Variants in PPT2 observed in about 807,000 individuals in gnomAD.
The protein encoded by PPT2 is palmitoyl-protein thioesterase 2, also known as lysosomal thioesterase PPT2.
PPT2 carries 20 observed loss-of-function variants against 37.3 expected under a neutral mutation model. The observed-to-expected ratio is 0.54, with a 90% CI of 0.38 to 0.78. The LOEUF is 0.78. PPT2 is among the 30% of genes least tolerant of loss of function. PPT2 has a pLI of 0.00. For synonymous variants in PPT2, 135 were observed against 159.1 expected (o/e 0.85, Z 1.14); for missense variants, 270 against 389.8 (o/e 0.69, Z 2.59).
At chr6:32,154,029 C>T (rs534588584), upstream of PPT2, 3 of 1,171,258 alleles carry the variant, frequency 2.6e-6, no homozygotes, top group African/African-American at 1.6e-5. The surrounding 1 kb of genome is among the most constrained non-coding windows in gnomAD (Gnocchi z 7.3). Flanking sequence ...ATTCCATTGC[C>T]CCTCCTGTCC....
At chr6:32,154,031 C>G (rs1783542437), upstream of PPT2, 2 of 1,174,070 alleles carry the variant, frequency 1.7e-6, no homozygotes, top group Admixed American at 4.3e-5. The surrounding 1 kb of genome is among the most constrained non-coding windows in gnomAD (Gnocchi z 7.3). Context: ...TCCATTGCCC[C>G]TCCTGTCCTG....
At position 32,156,188 on chromosome 6, in the gene PPT2, C is replaced by T. The variant is rs966584253; in HGVS notation, c.541+210C>T. ...GTGCACCATCTTGGCTCACTGCAAC[C>T]TCCGCCTCCCAGGTTCAAGTGATCC... On this transcript the variant is annotated intron_variant, in intron 5 of 8. Coordinates refer to ENST00000324816, the MANE Select transcript of PPT2 (RefSeq NM_005155.7). The surrounding 1 kb of genome is among the most constrained non-coding windows in gnomAD (Gnocchi z 4.9). 6.6e-5 allele frequency among the ~76,000 whole-genome samples: 10 copies of T among 152,052 alleles called. No homozygotes were observed. Among genetic ancestry groups the T allele is most frequent in the Admixed American group, 2.6e-4 (4 of 15,270 alleles).
chr6:32,159,451 A>ATAT (rs1554128303), intron 7 of PPT2, among the ~76,000 whole-genome samples: 1 of 115,116 alleles, frequency 8.7e-6, no homozygotes, highest in African/African-American at 3.5e-5. Flanking sequence ...AAAAAAAAAA[A>ATAT]ATATATATAT....
rs1465188963 is a variant in PPT2 at position 32,159,472 on chromosome 6, A to ATATATATATATATATC, written c.710+1549_710+1550insATATATATATATATCT. ...AAAAAATATATATATATATATATAT[A>ATATATATATATATATC]TCCTCATCCCTATTTCCCGACAGTC... On this transcript the variant is annotated intron_variant, in intron 7 of 8. Coordinates refer to ENST00000324816, the MANE Select transcript of PPT2 (RefSeq NM_005155.7). Among the ~76,000 whole-genome samples, 560 of 127,160 alleles carry ATATATATATATATATC rather than the reference A, an allele frequency of 4.4e-3. 2 individuals carry two copies. Among genetic ancestry groups the ATATATATATATATATC allele is most frequent in the South Asian group, 0.034 (134 of 3,910 alleles). 83.4% of individuals were successfully genotyped at this position (127,160 alleles called of 152,430 possible).
chr6:32,154,574 A>T lies in PPT2; in HGVS notation c.-8-13A>T. Reference sequence around the variant, plus strand: ...GCCATCTCCCTCACATGCCCTTATCACCCCTTTCTCAGGCGGGAGCATGCT... The same window carrying T: ...GCCATCTCCCTCACATGCCCTTATCTCCCCTTTCTCAGGCGGGAGCATGCT... On this transcript the variant is annotated splice_polypyrimidine_tract_variant and intron_variant, in intron 1 of 8. Transcript: ENST00000324816. This position sits in a 1 kb window ranked among gnomAD's most constrained non-coding sequence, Gnocchi z 7.3. 1 of 1,603,666 alleles carries T rather than the reference A, an allele frequency of 6.2e-7. No individual in the cohort carries two copies. The highest frequency in any genetic ancestry group is 8.5e-7 in the Non-Finnish European group (1 of 1,174,334).
At chr6:32,159,199 C>T (rs1251566902) in intron 7 of PPT2, among the ~76,000 whole-genome samples, 2 of 151,872 alleles carry the variant, frequency 1.3e-5, no homozygotes, top group Non-Finnish European at 2.9e-5. Context: ...CTTTGGGAGG[C>T]CGAGGCAGTG....
intron 5 of PPT2, chr6:32,157,327 TC>T (rs879788108): frequency 4.5e-6 from 2 of 440,748 alleles, no homozygotes; most frequent in Non-Finnish European, 8.4e-6. Context: ...TTCAAGTGAT[TC>T]CAGCGCCCCG....
At chr6:32,157,334 C>A (rs752137973) in intron 5 of PPT2, 13 of 450,510 alleles carry the variant, frequency 2.9e-5, no homozygotes, top group Non-Finnish European at 1.2e-5. Flanking sequence ...GATTCCAGCG[C>A]CCCGAGTAAC....
At chr6:32,154,051 T>G, upstream of PPT2, 1 of 1,121,150 alleles carries the variant, frequency 8.9e-7, no homozygotes, top group Non-Finnish European at 1.1e-6. The surrounding 1 kb of genome is among the most constrained non-coding windows in gnomAD (Gnocchi z 7.3). Flanking sequence ...GGGTCTGTGT[T>G]GCGGGGAACG....
In PPT2 at chr6:32,154,594, C is replaced by T. The variant is rs1783604253; in HGVS notation, c.-1C>T. ...TTATCACCCCTTTCTCAGGCGGGAG[C>T]ATGCTGGGGCTCTGCGGGCAGCGGC... On this transcript the variant is annotated 5_prime_UTR_variant, in exon 2 of 9. Coordinates refer to ENST00000324816, the MANE Select transcript of PPT2 (RefSeq NM_005155.7). This position sits in a 1 kb window ranked among gnomAD's most constrained non-coding sequence, Gnocchi z 7.3. 6.2e-7 allele frequency: 1 copy of T among 1,609,010 alleles called. No individual in the cohort carries two copies. Among genetic ancestry groups the T allele is most frequent in the African/African-American group, 1.3e-5 (1 of 74,830 alleles).
Position 32,162,680 on chromosome 6 carries a change from C to T in PPT2, c.765+58C>T. ...CGCTGTCCCACCTTATTCCAGAGCCCTCTCTGTGACTCCTGAGCTGAAGGG... is the reference window on the plus strand; with the variant it reads ...CGCTGTCCCACCTTATTCCAGAGCCTTCTCTGTGACTCCTGAGCTGAAGGG... On this transcript the variant is annotated intron_variant, in intron 8 of 8. Transcript: ENST00000324816. The surrounding 1 kb of genome is among the most constrained non-coding windows in gnomAD (Gnocchi z 5.5). 1 of 1,574,040 alleles carries T rather than the reference C, an allele frequency of 6.4e-7. No homozygotes were observed. The highest frequency in any genetic ancestry group is 1.1e-5 in the South Asian group (1 of 90,232).
rs1554127208 is a variant in PPT2 at position 32,155,584 on chromosome 6, C to CTCTGTGTG, written c.338-103_338-102insCTGTGTGT. On this transcript the variant is annotated intron_variant, in intron 3 of 8. Transcript: ENST00000324816. The surrounding 1 kb of genome is among the most constrained non-coding windows in gnomAD (Gnocchi z 4.3). The stretch of plus-strand genomic sequence containing the variant: ...GTACAGTGTGTGTCTGTGTGTGTCT[C>CTCTGTGTG]TGTGTGTGTGTGTGTGTGTGTGTGT... 737 of 698,634 alleles carry CTCTGTGTG rather than the reference C, an allele frequency of 1.1e-3. 5 individuals are homozygous for CTCTGTGTG. The African/African-American group carries it at 0.015, about 14-fold the overall frequency. The allele number at this position is 698,634 out of a possible 1,614,324, so 43.3% of individuals were successfully genotyped here. A position where few individuals can be genotyped will look rare whatever the true frequency, so the allele number is the denominator to read the frequency against.
chr6:32,156,326 G>A lies in PPT2; in HGVS notation c.541+348G>A, dbSNP rs1425816495. On this transcript the variant is annotated intron_variant, in intron 5 of 8. Coordinates refer to ENST00000324816, the MANE Select transcript of PPT2 (RefSeq NM_005155.7). The surrounding 1 kb of genome is among the most constrained non-coding windows in gnomAD (Gnocchi z 4.9). ...TCGCCATGTTGGCCAGGCTGGTCTC[G>A]AACTCCTGACCTCAGGTGATCCACT... Among the ~76,000 whole-genome samples the A allele has an allele frequency of 6.6e-6, 1 of 152,022 alleles. No individual in the cohort carries two copies. The highest frequency in any genetic ancestry group is 2.4e-5 in the African/African-American group (1 of 41,374).
At position 32,163,189 on chromosome 6, in the gene PPT2, C is replaced by G. The variant is rs1271736133; in HGVS notation, c.*239C>G. ...TCATGTCCTCTCATTTGGGGGATTG[C>G]TCCGTGCTGTCCCTTTCTCTCAAGG... On this transcript the variant is annotated 3_prime_UTR_variant, in exon 9 of 9. Coordinates refer to ENST00000324816, the MANE Select transcript of PPT2 (RefSeq NM_005155.7). 3.6e-6 allele frequency: 2 copies of G among 551,216 alleles called. No individual in the cohort carries two copies. The highest frequency in any genetic ancestry group is 3.8e-5 in the African/African-American group (2 of 53,014). 34.1% of individuals were successfully genotyped at this position (551,216 alleles called of 1,614,324 possible).
chr6:32,153,770 C>T, upstream of PPT2: 1 of 1,197,874 alleles, frequency 8.3e-7, no homozygotes, highest in Non-Finnish European at 1.1e-6. The surrounding 1 kb of genome is among the most constrained non-coding windows in gnomAD (Gnocchi z 4.4). Flanking sequence ...GACTACCTTT[C>T]CCTGGTCCGC....
At chr6:32,153,765 C>A, upstream of PPT2, 1 of 1,246,894 alleles carries the variant, frequency 8.0e-7, no homozygotes, top group Non-Finnish European at 1.1e-6. The surrounding 1 kb of genome is among the most constrained non-coding windows in gnomAD (Gnocchi z 4.4). Flanking sequence ...CAGAGGACTA[C>A]CTTTCCCTGG....
At chr6:32,153,804 G>A, upstream of PPT2, 1 of 1,062,402 alleles carries the variant, frequency 9.4e-7, no homozygotes. The surrounding 1 kb of genome is among the most constrained non-coding windows in gnomAD (Gnocchi z 4.4). Flanking sequence ...CTTGGGGAAT[G>A]CAAACTTCGT....
At position 32,155,836 on chromosome 6, in the gene PPT2, T is replaced by G. The variant is rs1783758124; in HGVS notation, c.434-35T>G. Reference sequence around the variant, plus strand: ...GCCCTGAGTTTTGGGGGAACAGAGGTTTATGGTCACTTAGCATTGCCATTC... The same window carrying G: ...GCCCTGAGTTTTGGGGGAACAGAGGGTTATGGTCACTTAGCATTGCCATTC... On this transcript the variant is annotated intron_variant, in intron 4 of 8. Coordinates refer to ENST00000324816, the MANE Select transcript of PPT2 (RefSeq NM_005155.7). This position sits in a 1 kb window ranked among gnomAD's most constrained non-coding sequence, Gnocchi z 4.3. 1 of 1,610,794 alleles carries G rather than the reference T, an allele frequency of 6.2e-7. No homozygotes were observed. Among genetic ancestry groups the G allele is most frequent in the South Asian group, 1.1e-5 (1 of 91,010 alleles).
chr6:32,161,101 A>AAT lies in PPT2; in HGVS notation c.711-1459_711-1458dup, dbSNP rs574143569. On this transcript the variant is annotated intron_variant, in intron 7 of 8. Transcript: ENST00000324816. Reference sequence around the variant, plus strand: ...TTTACATTAATATCTTTTTTCTCTAAATATATATACATTTATTTATATACG... The same window carrying AAT: ...TTTACATTAATATCTTTTTTCTCTAAATATATATATACATTTATTTATATACG... Among the ~76,000 whole-genome samples the AAT allele has an allele frequency of 7.9e-5, 12 of 151,992 alleles. 1 individual carries two copies. In the East Asian group the frequency reaches 2.1e-3, roughly 27 times the overall value.
Sources: gnomAD v4.1 joint callset for allele counts (sites outside exome capture counted in the v4.1 genomes callset) on GRCh38, gnomAD v4.1.1 for gene constraint, Gnocchi (gnomAD v3.1) non-coding constraint, MANE v1.5 for transcripts, NCBI Gene and HGNC (gene_info 2026-07-23, HGNC 2026-07-21) for gene names.